The following TEX2 variants were observed in gnomAD, a reference collection of about 807,000 sequenced individuals.
TEX2 encodes the protein testis-expressed protein 2.
TEX2 carries 53 observed loss-of-function variants against 106.9 expected under a neutral mutation model. That is an observed-to-expected ratio of 0.50 (90% CI 0.40 to 0.62). TEX2 has a LOEUF of 0.62. TEX2 is among the 20% of genes least tolerant of loss of function. The pLI, the probability that TEX2 is intolerant of heterozygous loss-of-function variation, is 0.00. For synonymous variants in TEX2, 523 were observed against 534.8 expected, an observed-to-expected ratio of 0.98 and a Z score of 0.30; for missense variants, 1,207 against 1,379.0, an observed-to-expected ratio of 0.88 and a Z score of 1.98.
chr17:64,255,028 C>CTTTTTTTTTTTTTT lies in TEX2; in HGVS notation c.-26+8126_-26+8139dup, dbSNP rs566755382. ...TACAGGTGTGTGTCACTGCATCTGG[C>CTTTTTTTTTTTTTT]TTTTTTTTTTTTTTTTTTGTAGAGG... is the stretch of plus-strand genomic sequence containing the variant. On this transcript the variant is annotated intron_variant, in intron 1 of 11. Coordinates refer to ENST00000584379, the MANE Select transcript of TEX2 (RefSeq NM_001288732.2). Among the ~76,000 whole-genome samples, 3 of 132,488 alleles carry CTTTTTTTTTTTTTT rather than the reference C, an allele frequency of 2.3e-5. 1 individual carries two copies. The highest frequency in any genetic ancestry group is 4.8e-5 in the Non-Finnish European group (3 of 62,100). The allele number at this position is 132,488 out of a possible 152,430, so 86.9% of individuals were successfully genotyped here.
At chr17:64,252,510 T>A (rs1296396812) in intron 1 of TEX2, among the ~76,000 whole-genome samples, 2 of 151,616 alleles carry the variant, frequency 1.3e-5, no homozygotes, top group Non-Finnish European at 2.9e-5. Flanking sequence ...GATGGGGAGG[T>A]CTCCCTATGT....
chr17:64,171,327 A>G (rs2031387654), intron 6 of TEX2, 128 bp from the exon 7 acceptor site: 2 of 718,462 alleles, frequency 2.8e-6, no homozygotes, highest in African/African-American at 3.5e-5. Context: ...TGTAACGAAA[A>G]CGTAATGTGC....
intron 1 of TEX2, among the ~76,000 whole-genome samples, chr17:64,220,454 C>G (rs1555633166): frequency 1.3e-5 from 2 of 152,036 alleles, no homozygotes; most frequent in African/African-American, 4.8e-5. Flanking sequence ...TGTAATCTAT[C>G]CATCTGACAA....
At chr17:64,256,579 GC>G (rs11285434) in intron 1 of TEX2, among the ~76,000 whole-genome samples, 4,760 of 152,164 alleles carry the variant, frequency 0.031, 115 homozygotes, top group Non-Finnish European at 0.048. Context: ...CTTTCTTGGT[GC>G]CCTGTTCTTT....
chr17:64,171,994 A>T (rs1268372473), intron 6 of TEX2, among the ~76,000 whole-genome samples: 1 of 151,254 alleles, frequency 6.6e-6, no homozygotes, highest in East Asian at 1.9e-4. Context: ...AAAAAAAAAA[A>T]AGAAAAGAAG....
rs1436858626 is a variant in TEX2, at chr17:64,148,928, C to G, written c.*41G>C. The stretch of plus-strand genomic sequence containing the variant: ...ATGGCGGCCAAGAACCCCACACATC[C>G]AGCTCGATGTCACAATATGGGGAAC... On this transcript the variant is annotated 3_prime_UTR_variant, in exon 12 of 12. Coordinates refer to ENST00000584379, the MANE Select transcript of TEX2 (RefSeq NM_001288732.2). 3 of 1,611,944 alleles carry G rather than the reference C, an allele frequency of 1.9e-6. No homozygotes were observed. Among genetic ancestry groups the G allele is most frequent in the Admixed American group, 1.7e-5 (1 of 59,930 alleles).
chr17:64,235,486 G>C (rs781916511), intron 1 of TEX2, among the ~76,000 whole-genome samples: 4 of 152,182 alleles, frequency 2.6e-5, no homozygotes, highest in Non-Finnish European at 4.4e-5. Flanking sequence ...TCAATTCTGG[G>C]GGACCTTGAG....
At chr17:64,219,410 A>G (rs113806292) in intron 1 of TEX2, among the ~76,000 whole-genome samples, 5,888 of 151,910 alleles carry the variant, frequency 0.039, 210 homozygotes, top group South Asian at 0.098. Context: ...GGAGGCTGAG[A>G]CACAAGAATC....
rs2032373736 is a variant in TEX2, at chr17:64,193,673, AG to A, written c.2061del (p.Tyr688IlefsTer23). ...GTRSSQRDQI[L>X]YLFGRTGREK... ...TCTCGGCCAGTTCTCCCAAAGAGAT[AG>A]AGTATCTGATCTCGCTGGCTAGATC... is the stretch of plus-strand genomic sequence containing the variant. On this transcript the variant is annotated frameshift_variant, in exon 4 of 12. Coordinates refer to ENST00000584379, the MANE Select transcript of TEX2 (RefSeq NM_001288732.2). LOFTEE classifies it high-confidence loss of function. 1.3e-6 allele frequency: 2 copies of A among 1,594,342 alleles called. No homozygotes were observed. Among genetic ancestry groups the A allele is most frequent in the Admixed American group, 1.8e-5 (1 of 56,022 alleles).
At chr17:64,230,994 C>G (rs1805543739) in intron 1 of TEX2, among the ~76,000 whole-genome samples, 1 of 152,208 alleles carries the variant, frequency 6.6e-6, no homozygotes, top group Non-Finnish European at 1.5e-5. Context: ...ACAAATACTT[C>G]TAGACTTTCC....
At chr17:64,182,991 T>C (rs143343920) in intron 5 of TEX2, among the ~76,000 whole-genome samples, 3,447 of 151,416 alleles carry the variant, frequency 0.023, 44 homozygotes, top group Non-Finnish European at 0.033. Flanking sequence ...CTGCAACCTA[T>C]GCCTCCTGAG....
intron 4 of TEX2, among the ~76,000 whole-genome samples, chr17:64,192,268 A>G (rs1254621818): frequency 6.6e-6 from 1 of 152,254 alleles, no homozygotes; most frequent in African/African-American, 2.4e-5. Flanking sequence ...GAGTCATTGT[A>G]GATGCCATTC....
At position 64,182,788 on chromosome 17, in the gene TEX2, G is replaced by A. The variant is rs866708681; in HGVS notation, c.2425-5317C>T. Among the ~76,000 whole-genome samples the A allele has an allele frequency of 5.7e-5, 8 of 140,186 alleles. No individual in the cohort carries two copies. The East Asian group carries it at 6.4e-4, about 11-fold the overall frequency. The allele number at this position is 140,186 out of a possible 152,430, so 92.0% of individuals were successfully genotyped here. ...AGGCATATCCATGTTGTAGCAGTGC[G>A]TCCTTTTTATTGCATAATAAACTTA... On this transcript the variant is annotated intron_variant, in intron 5 of 11. Transcript: ENST00000584379.
intron 1 of TEX2, among the ~76,000 whole-genome samples, chr17:64,223,585 C>T (rs1424490052): frequency 6.6e-6 from 1 of 151,442 alleles, no homozygotes; most frequent in Non-Finnish European, 1.5e-5. Flanking sequence ...AATTCATATA[C>T]TAGATTAGAG....
chr17:64,218,712 C>A (rs76787750), intron 1 of TEX2, among the ~76,000 whole-genome samples: 11 of 152,016 alleles, frequency 7.2e-5, no homozygotes, highest in African/African-American at 2.7e-4. Flanking sequence ...CCACCACACC[C>A]GGCAGCCTTT....
At chr17:64,165,242 C>T (rs939581559) in intron 7 of TEX2, among the ~76,000 whole-genome samples, 11 of 152,210 alleles carry the variant, frequency 7.2e-5, no homozygotes, top group African/African-American at 2.7e-4. Flanking sequence ...CCATATTGCT[C>T]ATTCAGATAC....
chr17:64,178,441 C>A (rs117132894), intron 5 of TEX2, among the ~76,000 whole-genome samples: 2,853 of 152,286 alleles, frequency 0.019, 43 homozygotes, highest in Non-Finnish European at 0.026. Flanking sequence ...CTCAGGTCCA[C>A]TCATGTCTCA....
At chr17:64,200,270 C>T (rs1035018469) in intron 2 of TEX2, among the ~76,000 whole-genome samples, 1 of 152,218 alleles carries the variant, frequency 6.6e-6, no homozygotes, top group African/African-American at 2.4e-5. Flanking sequence ...TACACCAGCT[C>T]ATCTGTTCAC....
At chr17:64,245,951 T>C (rs556489117) in intron 1 of TEX2, among the ~76,000 whole-genome samples, 1 of 152,354 alleles carries the variant, frequency 6.6e-6, no homozygotes, top group South Asian at 2.1e-4. Context: ...CATTACTTGC[T>C]CATGAGATGG....
Sources: allele counts gnomAD v4.1 joint callset (sites outside exome capture counted in the v4.1 genomes callset), GRCh38; gene constraint gnomAD v4.1.1; transcripts MANE v1.5; gene names NCBI Gene and HGNC (gene_info 2026-07-23, HGNC 2026-07-21).